MYO16: variants seen among roughly 807,000 people sequenced by gnomAD.
MYO16 encodes the protein unconventional myosin-XVI.
MYO16 carries 94 observed loss-of-function variants against 205.3 expected under a neutral mutation model. That is an observed-to-expected ratio of 0.46 (90% CI 0.39 to 0.54). The LOEUF (loss-of-function observed/expected upper bound fraction) is 0.54. Among genes scored for constraint, MYO16 ranks in the 20% least tolerant of loss-of-function variants. The probability of loss-of-function intolerance (pLI) is 0.00; values close to 1 mark genes in which losing one functional copy is unlikely to be tolerated. For synonymous variants in MYO16, 988 were observed against 954.0 expected, an observed-to-expected ratio of 1.04 and a Z score of -0.66; for missense variants, 2,315 against 2,387.5, an observed-to-expected ratio of 0.97 and a Z score of 0.63.
chr13:108,497,231 G>C, the MYO16 span, among the ~76,000 whole-genome samples: 1,460 of 152,280 alleles, frequency 9.6e-3, 28 homozygotes, highest in African/African-American at 0.033. Flanking sequence ...TGGGATTATT[G>C]CATAGCTACC....
chr13:108,651,266 T>G (rs1018032352), intron 1 of MYO16, among the ~76,000 whole-genome samples: 1 of 152,186 alleles, frequency 6.6e-6, no homozygotes, highest in African/African-American at 2.4e-5. Flanking sequence ...CAGGGCATAG[T>G]ACACTCTGTC....
chr13:109,165,053 T>A lies in MYO16; in HGVS notation c.5317T>A (p.Ser1773Thr), dbSNP rs1878581999. ...AACTGCTGAAAATGGAAATTCCATC[T>A]CAAATGGTAAGCACTTTTTAAACTC... ...AITAENGNSI[S>T]NGLPEEDGYS... The change falls in exon 33 of 35, where the codon TCA becomes ACA. Residue 1773 changes from serine to threonine, a missense_variant. Transcript: ENST00000457511. The A allele has an allele frequency of 6.3e-7, 1 of 1,593,576 alleles. No homozygotes were observed. Among genetic ancestry groups the A allele is most frequent in the African/African-American group, 1.4e-5 (1 of 73,838 alleles).
chr13:108,592,728 C>CTCTGTGTGTGTGTGTG (rs76161516), upstream of MYO16, among the ~76,000 whole-genome samples: 1 of 139,306 alleles, frequency 7.2e-6, no homozygotes, highest in African/African-American at 2.8e-5. Flanking sequence ...GTGAGGGTGG[C>CTCTGTGTGTGTGTGTG]TGTGTGTGTG....
intron 4 of MYO16, among the ~76,000 whole-genome samples, chr13:108,737,148 G>A (rs538868103): frequency 6.6e-6 from 1 of 152,216 alleles, no homozygotes; most frequent in East Asian, 1.9e-4. Flanking sequence ...CTGCCTGATT[G>A]CCCTGGACAG....
intron 12 of MYO16, among the ~76,000 whole-genome samples, chr13:108,874,786 C>A (rs1879247748): frequency 6.6e-6 from 1 of 151,418 alleles, no homozygotes; most frequent in African/African-American, 2.4e-5. Context: ...AACATGTCAC[C>A]TATACATAGG....
chr13:108,548,840 A>G, the MYO16 span, among the ~76,000 whole-genome samples: 1 of 152,216 alleles, frequency 6.6e-6, no homozygotes, highest in Non-Finnish European at 1.5e-5. Flanking sequence ...CTTACTAGTA[A>G]GAATCAGTAA....
chr13:108,877,938 T>A (rs921492896), intron 12 of MYO16, among the ~76,000 whole-genome samples: 6 of 152,228 alleles, frequency 3.9e-5, no homozygotes, highest in African/African-American at 1.2e-4. Context: ...GTCTAAATGC[T>A]TTAAACTTTG....
the MYO16 span, among the ~76,000 whole-genome samples, chr13:108,536,022 T>C: frequency 1.3e-5 from 1 of 77,892 alleles, no homozygotes; most frequent in African/African-American, 3.3e-5. Flanking sequence ...TACGTGTGTG[T>C]GCATGTGTGT....
At chr13:108,813,105 T>G (rs1376678994) in intron 7 of MYO16, among the ~76,000 whole-genome samples, 1 of 151,926 alleles carries the variant, frequency 6.6e-6, no homozygotes, top group Non-Finnish European at 1.5e-5. Flanking sequence ...GATTATGAGA[T>G]TTGCGAATGG....
At chr13:108,833,831 G>A (rs1439022126) in intron 9 of MYO16, among the ~76,000 whole-genome samples, 3 of 151,996 alleles carry the variant, frequency 2.0e-5, no homozygotes, top group Non-Finnish European at 4.4e-5. Flanking sequence ...CACAGTCAGA[G>A]TTAAATCTGT....
chr13:109,103,587 A>C (rs549114695), intron 28 of MYO16, among the ~76,000 whole-genome samples: 1 of 152,330 alleles, frequency 6.6e-6, no homozygotes, highest in East Asian at 1.9e-4. Flanking sequence ...TTTCGTTGTC[A>C]TTCTAATGCG....
chr13:108,930,075 A>G (rs1271015982), intron 16 of MYO16, among the ~76,000 whole-genome samples: 1 of 152,240 alleles, frequency 6.6e-6, no homozygotes, highest in East Asian at 1.9e-4. Flanking sequence ...TTTTATAGGT[A>G]TGTACACATA....
At chr13:108,994,138 ATT>A (rs1884928141) in intron 21 of MYO16, among the ~76,000 whole-genome samples, 1 of 152,082 alleles carries the variant, frequency 6.6e-6, no homozygotes, top group African/African-American at 2.4e-5. Context: ...TTTGCTAAAT[ATT>A]TTTATGATTT....
intron 20 of MYO16, among the ~76,000 whole-genome samples, chr13:108,967,204 G>C (rs927779102): frequency 2.6e-5 from 4 of 151,590 alleles, no homozygotes; most frequent in African/African-American, 4.9e-5. Flanking sequence ...AATTTGGCAA[G>C]AGAGAATAAA....
At chr13:108,607,544 C>T (rs1222000667) in intron 1 of MYO16, among the ~76,000 whole-genome samples, 1 of 152,158 alleles carries the variant, frequency 6.6e-6, no homozygotes, top group Non-Finnish European at 1.5e-5. Flanking sequence ...CATCATTGTA[C>T]ATTTCCTGAG....
intron 8 of MYO16, 62 bp from the exon 9 acceptor site, chr13:108,823,063 A>G (rs1876063576): frequency 7.0e-7 from 1 of 1,430,824 alleles, no homozygotes; most frequent in African/African-American, 1.4e-5. Context: ...ATTGAAAGTA[A>G]ATAGATTTAT....
chr13:109,125,321 T>G lies in MYO16; in HGVS notation c.3745T>G (p.Leu1249Val), dbSNP rs1225043641. 1 of 1,613,954 alleles carries G rather than the reference T, an allele frequency of 6.2e-7. No individual in the cohort carries two copies. Among genetic ancestry groups the G allele is most frequent in the African/African-American group, 1.3e-5 (1 of 74,952 alleles). Reference protein sequence around the residue: ...EMNAPYHKEKLEVRNMQEEGS... With the variant: ...EMNAPYHKEKVEVRNMQEEGS... ...GAACGCTCCCTACCATAAAGAGAAG[T>G]TAGAGGTCAGGAACATGCAAGAGGA... Residue 1249 changes from leucine to valine, a missense_variant, in exon 30 of 35, where the codon TTA (leucine) becomes GTA (valine). Physicochemically the swap from Leu to Val is conservative, Grantham distance 32. This residue lies in a region of MYO16 where 1,097 missense variants were observed against 1,092.0 expected (regional missense o/e 1.00). Transcript: ENST00000457511. This position sits in a 1 kb window ranked among gnomAD's most constrained non-coding sequence, Gnocchi z 4.0.
intron 1 of MYO16, among the ~76,000 whole-genome samples, chr13:108,660,749 G>A (rs1881467382): frequency 2.0e-5 from 3 of 152,164 alleles, no homozygotes; most frequent in Admixed American, 1.3e-4. Context: ...TGTCTTTTAA[G>A]TGGAGCAATT....
At chr13:109,095,073 C>G (rs1888736930) in intron 27 of MYO16, among the ~76,000 whole-genome samples, 1 of 152,164 alleles carries the variant, frequency 6.6e-6, no homozygotes, top group Admixed American at 6.5e-5. Flanking sequence ...GTAAGTGAAC[C>G]ACAAACCCTG....
Sources: gnomAD v4.1 joint callset for allele counts (sites outside exome capture counted in the v4.1 genomes callset) on GRCh38, gnomAD v4.1.1 for gene constraint, gnomAD v4.1.1 regional missense constraint, Gnocchi (gnomAD v3.1) non-coding constraint, MANE v1.5 for transcripts, NCBI Gene and HGNC (gene_info 2026-07-23, HGNC 2026-07-21) for gene names.